The following MAP3K20 variants were observed in gnomAD, a reference collection of about 807,000 sequenced individuals.
MAP3K20 encodes HCCS-4.
In MAP3K20, 40 loss-of-function variants were observed where a neutral mutation model predicts 85.7. The observed-to-expected ratio is 0.47, with a 90% CI of 0.36 to 0.61. The LOEUF (loss-of-function observed/expected upper bound fraction) is 0.61. Ranked by LOEUF, MAP3K20 falls within the 20% of genes least tolerant of loss-of-function variation. MAP3K20 has a pLI of 0.00. For missense variants in MAP3K20, 817 were observed against 961.7 expected, an observed-to-expected ratio of 0.85 and a Z score of 1.99; for synonymous variants, 325 against 327.7, an observed-to-expected ratio of 0.99 and a Z score of 0.09.
At chr2:173,195,556 T>C (rs902966609) in intron 7 of MAP3K20, among the ~76,000 whole-genome samples, 14 of 152,230 alleles carry the variant, frequency 9.2e-5, no homozygotes, top group Non-Finnish European at 1.8e-4. Flanking sequence ...ACTGGTATTT[T>C]TAGGCATCAT....
chr2:173,203,967 G>A, intron 9 of MAP3K20, 97 bp downstream of exon 9: 1 of 1,160,918 alleles, frequency 8.6e-7, no homozygotes, highest in Non-Finnish European at 1.3e-6. Flanking sequence ...TCATTACAAA[G>A]CAAAGCTGGA....
intron 2 of MAP3K20, among the ~76,000 whole-genome samples, chr2:173,097,705 C>T (rs1687503374): frequency 6.6e-6 from 1 of 151,980 alleles, no homozygotes; most frequent in African/African-American, 2.4e-5. Flanking sequence ...AAATTTATTC[C>T]ACGTTATAAA....
intron 2 of MAP3K20, among the ~76,000 whole-genome samples, chr2:173,142,243 C>T (rs183150679): frequency 3.3e-5 from 5 of 152,166 alleles, no homozygotes; most frequent in Admixed American, 2.0e-4. Context: ...GAGGCCGAGG[C>T]GGGTGGATCA....
At chr2:173,190,244 G>A (rs1395428128) in intron 5 of MAP3K20, among the ~76,000 whole-genome samples, 1 of 151,978 alleles carries the variant, frequency 6.6e-6, no homozygotes, top group Non-Finnish European at 1.5e-5. Flanking sequence ...GACCGCCCTC[G>A]ACACAGATAT....
intron 14 of MAP3K20, among the ~76,000 whole-genome samples, chr2:173,235,953 A>C (rs994762312): frequency 2.0e-5 from 3 of 152,124 alleles, no homozygotes; most frequent in African/African-American, 4.8e-5. Context: ...GAAAAGCTTT[A>C]AGATAGAATC....
chr2:173,229,318 A>C (rs1684464430), intron 11 of MAP3K20, among the ~76,000 whole-genome samples: 1 of 152,230 alleles, frequency 6.6e-6, no homozygotes, highest in African/African-American at 2.4e-5. Flanking sequence ...GTTGCTTTGG[A>C]ATTTTCATTA....
chr2:173,245,912 CAG>C (rs1684902511), intron 16 of MAP3K20, among the ~76,000 whole-genome samples: 1 of 152,212 alleles, frequency 6.6e-6, no homozygotes, highest in African/African-American at 2.4e-5. Flanking sequence ...GCCTGGGCAA[CAG>C]AGCAAGACTC....
At chr2:173,192,776 CAAACGTTT>C (rs1487384274) in intron 7 of MAP3K20, among the ~76,000 whole-genome samples, 1 of 152,048 alleles carries the variant, frequency 6.6e-6, no homozygotes, top group Non-Finnish European at 1.5e-5. Flanking sequence ...CATTTATAAC[CAAACGTTT>C]ATTTACTGAG....
intron 11 of MAP3K20, among the ~76,000 whole-genome samples, chr2:173,218,954 C>CT (rs1459009305): frequency 6.6e-6 from 1 of 152,204 alleles, no homozygotes; most frequent in Admixed American, 6.5e-5. Context: ...GGGCTACCGT[C>CT]TAACAATGGA....
chr2:173,141,218 C>T (rs1688963456), intron 2 of MAP3K20, among the ~76,000 whole-genome samples: 1 of 89,710 alleles, frequency 1.1e-5, no homozygotes, highest in Non-Finnish European at 2.5e-5. Flanking sequence ...ACTAAATTCT[C>T]GTGTAGTATT....
intron 7 of MAP3K20, among the ~76,000 whole-genome samples, chr2:173,192,118 T>G (rs1412818065): frequency 6.6e-6 from 1 of 152,098 alleles, no homozygotes; most frequent in African/African-American, 2.4e-5. Flanking sequence ...ATACTATTAC[T>G]TCCTAAAAGG....
At chr2:173,110,243 T>A (rs866419272) in intron 2 of MAP3K20, among the ~76,000 whole-genome samples, 87 of 37,472 alleles carry the variant, frequency 2.3e-3, no homozygotes, top group South Asian at 6.2e-3. Flanking sequence ...ATATATATAT[T>A]TTTTTTTTTT....
chr2:173,175,534 C>T (rs1690127652), intron 3 of MAP3K20, among the ~76,000 whole-genome samples: 1 of 152,124 alleles, frequency 6.6e-6, no homozygotes, highest in Non-Finnish European at 1.5e-5. Context: ...ATGGCATTCT[C>T]TTGCTTATTC....
In MAP3K20 at chr2:173,198,620, G is replaced by GT. The variant is rs1202422909; in HGVS notation, c.669+512dup. On this transcript the variant is annotated intron_variant, in intron 8 of 19. Transcript: ENST00000375213. This position sits in a 1 kb window ranked among gnomAD's most constrained non-coding sequence, Gnocchi z 5.8. ...AGTTTCAAAAAAGGGAAAAATTACA[G>GT]TTTTGCCACCTACGTTGAACACTAC... The GT allele has an allele frequency of 6.5e-6, 1 of 152,748 alleles. No individual in the cohort carries two copies. Among genetic ancestry groups the GT allele is most frequent in the African/African-American group, 2.4e-5 (1 of 41,452 alleles). The allele number at this position is 152,748 out of a possible 1,614,324, so 9.5% of individuals were successfully genotyped here.
chr2:173,116,735 A>G (rs1004057776), intron 2 of MAP3K20, among the ~76,000 whole-genome samples: 3 of 152,302 alleles, frequency 2.0e-5, no homozygotes, highest in South Asian at 2.1e-4. Flanking sequence ...ACTTCTTTCT[A>G]CCATGACCTC....
intron 1 of MAP3K20, among the ~76,000 whole-genome samples, chr2:173,082,722 C>A (rs1409631573): frequency 6.6e-6 from 1 of 152,236 alleles, no homozygotes; most frequent in African/African-American, 2.4e-5. Flanking sequence ...TCACTTTATT[C>A]AACTCTGGCC....
chr2:173,114,211 C>G (rs190525527), intron 2 of MAP3K20, among the ~76,000 whole-genome samples: 132 of 152,252 alleles, frequency 8.7e-4, no homozygotes, highest in African/African-American at 2.9e-3. Flanking sequence ...ATAGCTACCC[C>G]TGCTTGCTTT....
At chr2:173,242,429 A>G (rs1684809731) in intron 16 of MAP3K20, among the ~76,000 whole-genome samples, 1 of 152,088 alleles carries the variant, frequency 6.6e-6, no homozygotes, top group Admixed American at 6.6e-5. Context: ...TCGGCCTCCC[A>G]AAGTGCGGGA....
intron 2 of MAP3K20, among the ~76,000 whole-genome samples, chr2:173,134,812 A>T (rs1688754093): frequency 6.6e-6 from 1 of 152,134 alleles, no homozygotes; most frequent in Admixed American, 6.5e-5. Flanking sequence ...TTGGAGACCC[A>T]CAGGGATCTT....
Sources: gnomAD v4.1 joint callset for allele counts (sites outside exome capture counted in the v4.1 genomes callset) on GRCh38, gnomAD v4.1.1 for gene constraint, Gnocchi (gnomAD v3.1) non-coding constraint, MANE v1.5 for transcripts, NCBI Gene and HGNC (gene_info 2026-07-23, HGNC 2026-07-21) for gene names.